The following CLCA4 variants were observed in gnomAD, a reference collection of about 807,000 sequenced individuals.
CLCA4 encodes the protein chloride channel accessory 4, also known as calcium-activated chloride channel regulator 4.
CLCA4 carries 69 observed loss-of-function variants against 78.9 expected under a neutral mutation model. That is an observed-to-expected ratio of 0.87 (90% CI 0.72 to 1.07). The LOEUF is 1.07. Ranked by LOEUF, CLCA4 falls within the 50% of genes least tolerant of loss-of-function variation. The pLI is 0.00. For synonymous variants in CLCA4, 362 were observed against 375.8 expected (o/e 0.96, Z 0.42); for missense variants, 1,133 against 1,095.8 (o/e 1.03, Z -0.48).
chr1:86,547,665 A>G lies in CLCA4; in HGVS notation c.159+387A>G, dbSNP rs557775810. On this transcript the variant is annotated intron_variant, in intron 1 of 13. Coordinates refer to ENST00000370563, the MANE Select transcript of CLCA4 (RefSeq NM_012128.4). ...TCTAATAAGTATCATTCTACTCTCT[A>G]TCTCCATAAGATACCCTGGTTTAGT... Among the ~76,000 whole-genome samples the G allele has an allele frequency of 3.3e-5, 5 of 152,140 alleles. No homozygotes were observed. The East Asian group carries it at 5.8e-4, about 18-fold the overall frequency.
At chr1:86,558,688 AG>A (rs1649922580) in intron 1 of CLCA4, among the ~76,000 whole-genome samples, 1 of 152,174 alleles carries the variant, frequency 6.6e-6, no homozygotes, top group African/African-American at 2.4e-5. Context: ...AGCCGAGCTA[AG>A]GGGGAAGCCC....
intron 1 of CLCA4, among the ~76,000 whole-genome samples, chr1:86,554,407 T>A (rs1649768111): frequency 6.6e-6 from 1 of 152,050 alleles, no homozygotes; most frequent in African/African-American, 2.4e-5. Context: ...AGACAGAGTC[T>A]CCCTCTGTCA....
In CLCA4 at chr1:86,567,434, G is replaced by A. The variant is rs200143275; in HGVS notation, c.965G>A (p.Arg322His). The change falls in exon 7 of 14, where the codon CGC becomes CAC. Residue 322 changes from arginine (R) to histidine (H), a missense_variant. Transcript: ENST00000370563. ...GTCTTTTTAATCTAGGGTAAGGACC[G>A]CCTAAATCGAATGAATCAAGCAGCA... ...DKSGSMGGKD[R>H]LNRMNQAAKH... 3.4e-5 allele frequency: 54 copies of A among 1,610,964 alleles called. No individual in the cohort carries two copies. Among genetic ancestry groups the A allele is most frequent in the African/African-American group, 6.7e-5 (5 of 74,712 alleles).
intron 1 of CLCA4, among the ~76,000 whole-genome samples, chr1:86,557,043 C>A (rs1649869730): frequency 6.6e-6 from 1 of 152,004 alleles, no homozygotes; most frequent in Admixed American, 6.6e-5. Context: ...CATTAACATT[C>A]CCTTCATTAT....
At chr1:86,576,337 A>AT (rs935787241) in intron 11 of CLCA4, among the ~76,000 whole-genome samples, 17 of 151,622 alleles carry the variant, frequency 1.1e-4, no homozygotes, top group African/African-American at 3.4e-4. Flanking sequence ...TAATCTTTAA[A>AT]TTTTTTTTGT....
intron 1 of CLCA4, among the ~76,000 whole-genome samples, chr1:86,551,264 C>T (rs974802688): frequency 1.3e-5 from 2 of 151,820 alleles, no homozygotes; most frequent in Admixed American, 6.6e-5. Context: ...TTTAAAAAAC[C>T]CAAAACTTTA....
chr1:86,560,421 T>A, intron 3 of CLCA4, 63 bp downstream of exon 3: 1 of 1,556,346 alleles, frequency 6.4e-7, no homozygotes, highest in Non-Finnish European at 8.8e-7. Context: ...TTATGCAGGT[T>A]AAGTGTGCAG....
In CLCA4 at chr1:86,572,612, A is replaced by G. The variant is rs1261403289; in HGVS notation, c.1361-2A>G. The G allele has an allele frequency of 1.3e-6, 2 of 1,562,126 alleles. No individual in the cohort carries two copies. The highest frequency in any genetic ancestry group is 1.3e-5 in the African/African-American group (1 of 74,080). Reference sequence around the variant, plus strand: ...AGTCTAATTAATGCATTTACATTTTAGGAGGAAGTCATTTTTATGTTTCAG... The same window carrying G: ...AGTCTAATTAATGCATTTACATTTTGGGAGGAAGTCATTTTTATGTTTCAG... On this transcript the variant is annotated splice_acceptor_variant, in intron 8 of 13. Coordinates refer to ENST00000370563, the MANE Select transcript of CLCA4 (RefSeq NM_012128.4). LOFTEE classifies it high-confidence loss of function.
chr1:86,572,785 TTA>T (rs1650394103), intron 9 of CLCA4, 65 bp downstream of exon 9: 1 of 939,500 alleles, frequency 1.1e-6, no homozygotes, highest in Admixed American at 1.7e-5. Context: ...CATTTGGTGG[TTA>T]TAAGTTTTGA....
In CLCA4 at chr1:86,579,849, G is replaced by A. The variant is rs538270383; in HGVS notation, c.2357-93G>A. 7 of 908,714 alleles carry A rather than the reference G, an allele frequency of 7.7e-6. No individual in the cohort carries two copies. The East Asian group carries it at 1.7e-4, about 23-fold the overall frequency. 56.3% of individuals were successfully genotyped at this position (908,714 alleles called of 1,614,324 possible). ...AATGAGTAAGGCTTTTGATCTATCT[G>A]CTTTGCATAACTAGACATTTTTGAG... On this transcript the variant is annotated intron_variant, in intron 13 of 13. Coordinates refer to ENST00000370563, the MANE Select transcript of CLCA4 (RefSeq NM_012128.4).
At position 86,574,566 on chromosome 1, in the gene CLCA4, T is replaced by C. The variant is rs770658297; in HGVS notation, c.1494T>C (p.Asn498=). ...TCGAAAGTAAGGGATTAACACTGAATAGTAATGCCTGGATGAACGACACTG... is the reference window on the plus strand; with the variant it reads ...TCGAAAGTAAGGGATTAACACTGAACAGTAATGCCTGGATGAACGACACTG... ...LQLESKGLTL[N]SNAWMNDTVI... The change falls in exon 10 of 14, where the codon AAT becomes AAC. Residue 498 remains asparagine, a synonymous_variant. Transcript: ENST00000370563. The C allele has an allele frequency of 6.8e-6, 11 of 1,612,894 alleles. No individual in the cohort carries two copies. The highest frequency in any genetic ancestry group is 5.0e-5 in the Admixed American group (3 of 59,898).
chr1:86,553,269 T>A (rs1329090576), intron 1 of CLCA4: 1 of 838,352 alleles, frequency 1.2e-6, no homozygotes, highest in Non-Finnish European at 2.0e-6. Flanking sequence ...GGACACGGTC[T>A]TCAAGCCGGC....
At chr1:86,563,028 T>C (rs1650071878) in intron 3 of CLCA4, among the ~76,000 whole-genome samples, 1 of 151,974 alleles carries the variant, frequency 6.6e-6, no homozygotes, top group Admixed American at 6.6e-5. Flanking sequence ...CTGTTTCCTC[T>C]GAAGTTTTTC....
intron 3 of CLCA4, among the ~76,000 whole-genome samples, chr1:86,561,320 T>C (rs1203956172): frequency 2.6e-5 from 4 of 152,226 alleles, no homozygotes; most frequent in African/African-American, 9.6e-5. Flanking sequence ...ACTACAAGTA[T>C]AAATAGCTCA....
At chr1:86,564,528 A>T (rs1650120695) in intron 4 of CLCA4, among the ~76,000 whole-genome samples, 1 of 152,170 alleles carries the variant, frequency 6.6e-6, no homozygotes, top group South Asian at 2.1e-4. Context: ...AGATAGTTTC[A>T]TCATGTCCAC....
intron 1 of CLCA4, chr1:86,553,194 A>G (rs1649717151): frequency 2.6e-6 from 3 of 1,154,934 alleles, no homozygotes; most frequent in Admixed American, 3.4e-5. Flanking sequence ...CTCCACAAGC[A>G]TGTGGCAAAG....
intron 7 of CLCA4, among the ~76,000 whole-genome samples, chr1:86,568,056 AG>A (rs1650251828): frequency 6.6e-6 from 1 of 152,008 alleles, no homozygotes; most frequent in Non-Finnish European, 1.5e-5. Context: ...TGTAACATTC[AG>A]CTAGGGCAAA....
intron 8 of CLCA4, among the ~76,000 whole-genome samples, chr1:86,571,816 G>A (rs373136601): frequency 3.2e-4 from 49 of 152,116 alleles, no homozygotes; most frequent in African/African-American, 1.2e-3. Flanking sequence ...AACTATGGTA[G>A]CTGTTATTTC....
rs1261567416 is a variant in CLCA4, at chr1:86,565,947, C to T, written c.881C>T (p.Pro294Leu). The T allele has an allele frequency of 6.2e-7, 1 of 1,613,304 alleles. No homozygotes were observed. Among genetic ancestry groups the T allele is most frequent in the South Asian group, 1.1e-5 (1 of 91,038 alleles). The change falls in exon 6 of 14, where the codon CCA becomes CTA. Residue 294 changes from proline to leucine, a missense_variant. By Grantham distance (98) the Pro-to-Leu change is moderately conservative. Transcript: ENST00000370563. ...ATACCCATGGTGACACCACCTCCTC[C>T]ACCTGTCTTCTCATTGCTGAAGATC... ...NTIPMVTPPP[P>L]PVFSLLKISQ...
Sources: allele counts gnomAD v4.1 joint callset (sites outside exome capture counted in the v4.1 genomes callset), GRCh38; gene constraint gnomAD v4.1.1; transcripts MANE v1.5; gene names NCBI Gene and HGNC (gene_info 2026-07-23, HGNC 2026-07-21).